Variants in PDE4A observed in about 807,000 individuals in gnomAD.
PDE4A encodes the protein 3',5'-cyclic-AMP phosphodiesterase 4A.
PDE4A carries 21 observed loss-of-function variants against 73.9 expected under a neutral mutation model. The observed-to-expected ratio is 0.28, with a 90% CI of 0.20 to 0.41. The LOEUF is 0.41. PDE4A is among the 10% of genes least tolerant of loss of function. The probability of loss-of-function intolerance (pLI) is 1.00; values close to 1 mark genes in which losing one functional copy is unlikely to be tolerated. For synonymous variants in PDE4A, 463 were observed against 505.4 expected, an observed-to-expected ratio of 0.92 and a Z score of 1.13; for missense variants, 958 against 1,211.4, an observed-to-expected ratio of 0.79 and a Z score of 3.10.
At chr19:10,433,430 C>T (rs1252272044) in intron 1 of PDE4A, among the ~76,000 whole-genome samples, 1 of 152,148 alleles carries the variant, frequency 6.6e-6, no homozygotes. Flanking sequence ...GCTGTACTCC[C>T]ACCTGCACCA....
At chr19:10,461,269 G>T (rs1357710270) in intron 11 of PDE4A, among the ~76,000 whole-genome samples, 166 bp downstream of exon 11, 66 of 141,584 alleles carry the variant, frequency 4.7e-4, no homozygotes, top group African/African-American at 1.6e-3. Context: ...GGGCGGGGCT[G>T]GCTGGGCTGG....
chr19:10,419,170 G>C (rs2145435652), upstream of PDE4A: 1 of 835,006 alleles, frequency 1.2e-6, no homozygotes, highest in African/African-American at 1.9e-5. Flanking sequence ...CGGGGGCAGG[G>C]GTCTGGTCCC....
chr19:10,442,844 G>A (rs2042956221), intron 1 of PDE4A, among the ~76,000 whole-genome samples: 1 of 147,362 alleles, frequency 6.8e-6, no homozygotes, highest in African/African-American at 2.5e-5. Context: ...ATTATATATA[G>A]TAATATTATA....
rs1039825940 is a variant in PDE4A, at chr19:10,468,960, C to T, written c.*1339C>T. ...GCAGCTGGACCGACCTCATTCATCGCCTGCCCCCTACCCAATTCTGAGCAC... is the reference window on the plus strand; with the variant it reads ...GCAGCTGGACCGACCTCATTCATCGTCTGCCCCCTACCCAATTCTGAGCAC... On this transcript the variant is annotated 3_prime_UTR_variant, in exon 15 of 15. Coordinates refer to ENST00000380702, the MANE Select transcript of PDE4A (RefSeq NM_001111307.2). 5.2e-5 allele frequency: 8 copies of T among 152,854 alleles called. No homozygotes were observed. The Admixed American group carries it at 5.2e-4, about 10-fold the overall frequency. 9.5% of individuals were successfully genotyped at this position (152,854 alleles called of 1,614,324 possible). A position where few individuals can be genotyped will look rare whatever the true frequency, so the allele number is the denominator to read the frequency against.
chr19:10,463,395 CTTTTTTTTT>C (rs35214617), intron 13 of PDE4A, among the ~76,000 whole-genome samples: 4 of 100,398 alleles, frequency 4.0e-5, no homozygotes, highest in African/African-American at 1.3e-4. Context: ...CAGCCCCATT[CTTTTTTTTT>C]TTTTTTTTTT....
At chr19:10,463,690 A>AT (rs778273771) in intron 13 of PDE4A, 103 bp from the exon 14 acceptor site, 274 of 1,549,120 alleles carry the variant, frequency 1.8e-4, no homozygotes, top group Non-Finnish European at 2.3e-4. Flanking sequence ...CGTGAGCCAC[A>AT]GTGCCTGGCC....
At chr19:10,428,221 C>T (rs1180696046) in intron 1 of PDE4A, among the ~76,000 whole-genome samples, 2 of 152,044 alleles carry the variant, frequency 1.3e-5, no homozygotes, top group East Asian at 1.9e-4. Context: ...GGCATGGTGG[C>T]GCACATGCTA....
intron 10 of PDE4A, among the ~76,000 whole-genome samples, chr19:10,460,315 G>A (rs981105217): frequency 6.6e-6 from 1 of 151,952 alleles, no homozygotes; most frequent in Non-Finnish European, 1.5e-5. Flanking sequence ...CCTGACCAAC[G>A]TGGTGAAACA....
intron 14 of PDE4A, 109 bp from the exon 15 acceptor site, chr19:10,466,778 G>A (rs1039128715): frequency 2.0e-6 from 3 of 1,495,482 alleles, no homozygotes; most frequent in African/African-American, 1.4e-5. Flanking sequence ...ATAGACATGA[G>A]CCACCATGCC....
chr19:10,467,315 C>T lies in PDE4A; in HGVS notation c.2355C>T (p.Ser785=), dbSNP rs201997185. The T allele has an allele frequency of 6.2e-7, 1 of 1,614,170 alleles. No individual in the cohort carries two copies. Among genetic ancestry groups the T allele is most frequent in the Non-Finnish European group, 8.5e-7 (1 of 1,180,018 alleles). The change falls in exon 15 of 15, where the codon TCC becomes TCT. Residue 785 remains serine (S), a synonymous_variant. Transcript: ENST00000380702. ...EAVYLTQQAQ[S]TGSAPVAPDE... is the part of the protein sequence containing the mutation. ...TGTATTTGACACAGCAGGCACAGTC[C>T]ACAGGCAGTGCACCTGTGGCTCCGG...
At position 10,458,283 on chromosome 19, in the gene PDE4A, G is replaced by C. The variant is rs1381961205; in HGVS notation, c.1101+181G>C. Among the ~76,000 whole-genome samples the C allele has an allele frequency of 6.6e-6, 1 of 152,186 alleles. No homozygotes were observed. Among genetic ancestry groups the C allele is most frequent in the African/African-American group, 2.4e-5 (1 of 41,448 alleles). ...TGTACCTCTGTATCATTCATTGCTT[G>C]GGGGCCGTCCCCAGGGCTGGACGTA... On this transcript the variant is annotated intron_variant, in intron 8 of 14. Transcript: ENST00000380702. This position sits in a 1 kb window ranked among gnomAD's most constrained non-coding sequence, Gnocchi z 4.6.
At chr19:10,445,630 C>T (rs1375777695) in intron 1 of PDE4A, among the ~76,000 whole-genome samples, 3 of 151,598 alleles carry the variant, frequency 2.0e-5, no homozygotes, top group African/African-American at 4.8e-5. Context: ...TAGCCAGGTG[C>T]GGTGGTGCAT....
intron 1 of PDE4A, among the ~76,000 whole-genome samples, chr19:10,441,087 G>A (rs1034488221): frequency 6.6e-6 from 1 of 151,916 alleles, no homozygotes; most frequent in Non-Finnish European, 1.5e-5. Context: ...CTGGAGTGCA[G>A]TGGTGCGATC....
chr19:10,442,233 A>C lies in PDE4A; in HGVS notation c.321-3985A>C, dbSNP rs560122091. Among the ~76,000 whole-genome samples, 4 of 152,152 alleles carry C rather than the reference A, an allele frequency of 2.6e-5. 1 individual carries two copies. Among genetic ancestry groups the C allele is most frequent in the African/African-American group, 9.6e-5 (4 of 41,524 alleles). ...TGGAATGGTCTCTCTACTAAGAAAT[A>C]AGTTTGAAATCTCCTAGGCCTGCCA... is the stretch of plus-strand genomic sequence containing the variant. On this transcript the variant is annotated intron_variant, in intron 1 of 14. Coordinates refer to ENST00000380702, the MANE Select transcript of PDE4A (RefSeq NM_001111307.2).
At chr19:10,417,097 A>G (rs2042595611), upstream of PDE4A, 1 of 1,463,568 alleles carries the variant, frequency 6.8e-7, no homozygotes, top group Non-Finnish European at 9.0e-7. Context: ...ACTACCTCCA[A>G]GCTGTGAGGA....
intron 1 of PDE4A, chr19:10,428,027 G>C (rs1172068283): frequency 5.9e-6 from 1 of 170,222 alleles, no homozygotes; most frequent in African/African-American, 2.4e-5. Flanking sequence ...ATCACCTGGT[G>C]GGTGTCTGGT....
chr19:10,452,777 TG>T (rs2043111702), intron 6 of PDE4A, among the ~76,000 whole-genome samples: 1 of 152,102 alleles, frequency 6.6e-6, no homozygotes, highest in Non-Finnish European at 1.5e-5. Flanking sequence ...TTTCTGTCTC[TG>T]GGTGTGTCCA....
upstream of PDE4A, chr19:10,416,847 G>A: frequency 3.9e-6 from 6 of 1,533,322 alleles, no homozygotes; most frequent in African/African-American, 1.4e-5. Context: ...GGAGCCCTGG[G>A]GCACTGATGG....
chr19:10,417,652 C>A, upstream of PDE4A: 1 of 1,588,912 alleles, frequency 6.3e-7, no homozygotes. Flanking sequence ...CACTTTGTCC[C>A]TCCCCAGAGG....
Sources: allele counts gnomAD v4.1 joint callset (sites outside exome capture counted in the v4.1 genomes callset), GRCh38; gene constraint gnomAD v4.1.1; non-coding constraint Gnocchi (gnomAD v3.1); transcripts MANE v1.5; gene names NCBI Gene and HGNC (gene_info 2026-07-23, HGNC 2026-07-21).